The following JAK1 variants were observed in gnomAD, a reference collection of about 807,000 sequenced individuals.
JAK1 encodes tyrosine-protein kinase JAK1.
Under a neutral mutation model 136.6 loss-of-function variants are expected in JAK1, and 16 were observed. The ratio of observed to expected loss-of-function variants is 0.12; its 90% confidence interval spans 0.08 to 0.18. The LOEUF is 0.18. Ranked by LOEUF, JAK1 falls within the 10% of genes least tolerant of loss-of-function variation. JAK1 has a pLI of 1.00. For missense variants in JAK1, 859 were observed against 1,450.1 expected (o/e 0.59, Z 6.62); for synonymous variants, 492 against 519.5 (o/e 0.95, Z 0.72).
intron 1 of JAK1, among the ~76,000 whole-genome samples, chr1:64,892,286 GGGGGGATGGA>G (rs1644949354): frequency 6.6e-6 from 1 of 151,886 alleles, no homozygotes; most frequent in Non-Finnish European, 1.5e-5. Flanking sequence ...TGCTTTTTTG[GGGGGGATGGA>G]GGGGGATGGA....
At chr1:65,005,465 C>A (rs987790905) in intron 2 of JAK1, among the ~76,000 whole-genome samples, 17 of 152,042 alleles carry the variant, frequency 1.1e-4, no homozygotes, top group Non-Finnish European at 1.5e-5. Flanking sequence ...GGAATAAGTT[C>A]TAGTGTTCTA....
intron 1 of JAK1, among the ~76,000 whole-genome samples, chr1:64,954,011 T>C (rs191508461): frequency 2.6e-5 from 4 of 152,230 alleles, no homozygotes; most frequent in African/African-American, 9.6e-5. Flanking sequence ...CCAAATACTA[T>C]ATTGTATAGA....
intron 1 of JAK1, among the ~76,000 whole-genome samples, chr1:64,936,086 G>A (rs1025887389): frequency 2.0e-5 from 3 of 152,264 alleles, no homozygotes; most frequent in Admixed American, 2.0e-4. Context: ...GCAGGAAGAG[G>A]CCAATGTGCA....
rs1370487314 is a variant in JAK1 at position 64,879,099 on chromosome 1, G to A, written c.255C>T (p.Thr85=). ...HNLFALYDEN[T]KLWYAPNRTI... is the part of the protein sequence containing the mutation. ...TGCGATTTGGAGCATACCAGAGCTT[G>A]GTGTTCTCGTCATACAGGGCAAAGA... is the stretch of plus-strand genomic sequence containing the variant. Residue 85 remains threonine, a synonymous_variant, in exon 4 of 25, where the codon ACC becomes ACT. Coordinates refer to ENST00000342505, the MANE Select transcript of JAK1 (RefSeq NM_002227.4). 1 of 1,613,822 alleles carries A rather than the reference G, an allele frequency of 6.2e-7. No homozygotes were observed. The highest frequency in any genetic ancestry group is 1.7e-5 in the Admixed American group (1 of 60,018).
chr1:65,052,671 G>A (rs1461602137), intron 1 of JAK1, among the ~76,000 whole-genome samples: 11 of 152,008 alleles, frequency 7.2e-5, no homozygotes, highest in East Asian at 5.8e-4. Context: ...AAACTTAGCC[G>A]GGTGTGGTGG....
At chr1:65,011,408 C>T (rs968717178) in intron 2 of JAK1, among the ~76,000 whole-genome samples, 6 of 152,052 alleles carry the variant, frequency 3.9e-5, no homozygotes, top group African/African-American at 9.6e-5. Flanking sequence ...CCCGGAAGAT[C>T]GAAGCTGTAG....
chr1:64,953,488 C>T (rs998141682), intron 1 of JAK1, among the ~76,000 whole-genome samples: 1 of 151,952 alleles, frequency 6.6e-6, no homozygotes, highest in Non-Finnish European at 1.5e-5. Context: ...AAACACAGGA[C>T]GTGTTATATA....
chr1:65,040,361 G>A (rs1033554539), intron 2 of JAK1, among the ~76,000 whole-genome samples: 7 of 151,996 alleles, frequency 4.6e-5, no homozygotes, highest in Admixed American at 2.0e-4. Flanking sequence ...TCTGTGGCTC[G>A]AGGCCACTTC....
chr1:65,056,926 A>T (rs1647568429), intron 1 of JAK1, among the ~76,000 whole-genome samples: 1 of 129,974 alleles, frequency 7.7e-6, no homozygotes, highest in Non-Finnish European at 1.6e-5. Flanking sequence ...CTTTCTTTAA[A>T]AAAAAAAAAA....
intron 1 of JAK1, among the ~76,000 whole-genome samples, chr1:64,956,030 T>C (rs1472932116): frequency 4.6e-5 from 7 of 152,192 alleles, no homozygotes; most frequent in Admixed American, 2.0e-4. Context: ...CAAGTGAAAA[T>C]AGAAATGTCA....
intron 2 of JAK1, among the ~76,000 whole-genome samples, chr1:64,997,659 C>T (rs556975195): frequency 1.1e-4 from 17 of 152,262 alleles, no homozygotes; most frequent in African/African-American, 2.9e-4. Context: ...ACAAGGACAA[C>T]GGCATAATGG....
intron 1 of JAK1, among the ~76,000 whole-genome samples, chr1:65,065,700 T>C (rs1368280876): frequency 6.8e-6 from 1 of 148,074 alleles, no homozygotes; most frequent in Non-Finnish European, 1.5e-5. Context: ...TTTTTGGCGC[T>C]GGAAAAGCAA....
At position 64,883,378 on chromosome 1, in the gene JAK1, C is replaced by G; in HGVS notation, c.104G>C (p.Gly35Ala). 4 of 1,614,204 alleles carry G rather than the reference C, an allele frequency of 2.5e-6. No homozygotes were observed. Among genetic ancestry groups the G allele is most frequent in the Non-Finnish European group, 3.4e-6 (4 of 1,180,008 alleles). ...TEVNLEAPEP[G>A]VEVIFYLSDR... is the part of the protein sequence containing the mutation. ...CGACAGATAGAAGATCACTTCCACC[C>G]CTGGCTCAGGGGCCTCCAGGTTCAC... Residue 35 changes from glycine to alanine, a missense_variant, in exon 3 of 25, where the codon GGG (glycine) becomes GCG (alanine). This residue lies in a region of JAK1 where 353 missense variants were observed against 494.0 expected (regional missense o/e 0.71). Transcript: ENST00000342505.
intron 2 of JAK1, among the ~76,000 whole-genome samples, chr1:64,976,929 G>GTGCC (rs1356003412): frequency 6.6e-6 from 1 of 152,140 alleles, no homozygotes; most frequent in Non-Finnish European, 1.5e-5. Flanking sequence ...TCTTGAAAGA[G>GTGCC]TGCCCTTAAG....
At chr1:64,957,265 C>T (rs1460709257) in intron 1 of JAK1, among the ~76,000 whole-genome samples, 1 of 152,150 alleles carries the variant, frequency 6.6e-6, no homozygotes, top group African/African-American at 2.4e-5. Context: ...ACACAAATCT[C>T]ATCATGTTAC....
chr1:65,038,914 A>G (rs1248739287), intron 2 of JAK1, among the ~76,000 whole-genome samples: 1 of 150,062 alleles, frequency 6.7e-6, no homozygotes, highest in Non-Finnish European at 1.5e-5. Context: ...CTGGGATTAC[A>G]GGCGTGAGCC....
intron 1 of JAK1, among the ~76,000 whole-genome samples, chr1:65,063,277 G>A (rs1032996144): frequency 6.6e-6 from 1 of 152,176 alleles, no homozygotes; most frequent in Non-Finnish European, 1.5e-5. Context: ...GGTACCTTTT[G>A]CTATGTTCAG....
At chr1:64,872,880 CAG>C (rs1657157324) in intron 5 of JAK1, among the ~76,000 whole-genome samples, 1 of 152,190 alleles carries the variant, frequency 6.6e-6, no homozygotes, top group African/African-American at 2.4e-5. Flanking sequence ...TTAGCAATCT[CAG>C]AGTAAATGTA....
chr1:64,960,919 C>A (rs1321585817), intron 1 of JAK1, among the ~76,000 whole-genome samples: 1 of 152,156 alleles, frequency 6.6e-6, no homozygotes, highest in Non-Finnish European at 1.5e-5. Context: ...AACAATGCAA[C>A]CTCAAATTGC....
Sources: allele counts gnomAD v4.1 joint callset (sites outside exome capture counted in the v4.1 genomes callset), GRCh38; gene constraint gnomAD v4.1.1; regional missense constraint gnomAD v4.1.1; transcripts MANE v1.5; gene names NCBI Gene and HGNC (gene_info 2026-07-23, HGNC 2026-07-21).